Variants in PCDH9 observed in about 807,000 individuals in gnomAD.
PCDH9 encodes protocadherin-9.
PCDH9 carries 24 observed loss-of-function variants against 70.6 expected under a neutral mutation model. That is an observed-to-expected ratio of 0.34 (90% CI 0.25 to 0.48). The LOEUF is 0.48. Among genes scored for constraint, PCDH9 ranks in the 20% least tolerant of loss-of-function variants. PCDH9 has a pLI of 0.99. For synonymous variants in PCDH9, 562 were observed against 558.5 expected, an observed-to-expected ratio of 1.01 and a Z score of -0.09; for missense variants, 1,281 against 1,503.6, an observed-to-expected ratio of 0.85 and a Z score of 2.45.
chr13:67,028,023 G>A (rs1375849640), intron 2 of PCDH9, among the ~76,000 whole-genome samples: 1 of 150,642 alleles, frequency 6.6e-6, no homozygotes, highest in African/African-American at 2.4e-5. Context: ...ATTCCTCAGG[G>A]ATCTAGAACT....
At chr13:67,117,012 T>C (rs185955335) in intron 2 of PCDH9, among the ~76,000 whole-genome samples, 33 of 152,210 alleles carry the variant, frequency 2.2e-4, no homozygotes, top group Non-Finnish European at 3.5e-4. Flanking sequence ...AAGAAACTTA[T>C]GGAGTGGAGA....
intron 4 of PCDH9, among the ~76,000 whole-genome samples, chr13:66,359,078 T>A (rs1257425644): frequency 6.6e-6 from 1 of 151,992 alleles, no homozygotes; most frequent in African/African-American, 2.4e-5. Flanking sequence ...GGGACTATCA[T>A]AAGAGTAAGG....
At chr13:67,219,979 C>A (rs913920639) in intron 2 of PCDH9, 3 of 151,762 alleles carry the variant, frequency 2.0e-5, no homozygotes, top group African/African-American at 7.3e-5. Flanking sequence ...TATATACAAG[C>A]TAAGAGTTCA....
intron 3 of PCDH9, among the ~76,000 whole-genome samples, chr13:66,732,523 C>A (rs1408952392): frequency 6.6e-6 from 1 of 151,788 alleles, no homozygotes; most frequent in Non-Finnish European, 1.5e-5. Context: ...ATATTACCAC[C>A]CCAAAGAGAA....
intron 2 of PCDH9, among the ~76,000 whole-genome samples, chr13:67,072,980 C>T (rs2085798803): frequency 6.6e-6 from 1 of 152,078 alleles, no homozygotes; most frequent in South Asian, 2.1e-4. Context: ...TGACCACATG[C>T]AGGAATGAAT....
At chr13:66,730,876 G>GTTTTTT (rs758928616) in intron 3 of PCDH9, among the ~76,000 whole-genome samples, 1,059 of 46,292 alleles carry the variant, frequency 0.023, 51 homozygotes, top group Admixed American at 0.028. Context: ...GTGTGTGTGT[G>GTTTTTT]TTTTTTTTTT....
In PCDH9 at chr13:67,091,531, T is replaced by G. The variant is rs190990061; in HGVS notation, c.3036+133874A>C. On this transcript the variant is annotated intron_variant, in intron 2 of 4. Transcript: ENST00000377865. ...AGATTTTAGCTTATATGCCCAACAA[T>G]CTGAGATGGCAGCCACAGCCTTTGA... Among the ~76,000 whole-genome samples, 3 of 152,270 alleles carry G rather than the reference T, an allele frequency of 2.0e-5. No homozygotes were observed. In the East Asian group the frequency reaches 5.8e-4, roughly 29 times the overall value.
At chr13:66,858,745 A>G (rs2081435563) in intron 3 of PCDH9, among the ~76,000 whole-genome samples, 1 of 152,214 alleles carries the variant, frequency 6.6e-6, no homozygotes, top group Non-Finnish European at 1.5e-5. Flanking sequence ...CGAATTTAAT[A>G]ATAAATTAAT....
At chr13:66,627,955 T>A (rs748755742) in intron 4 of PCDH9, among the ~76,000 whole-genome samples, 8 of 152,212 alleles carry the variant, frequency 5.3e-5, no homozygotes, top group Middle Eastern at 3.2e-3. Context: ...TTGGACAATA[T>A]TTTGGCCTGG....
intron 4 of PCDH9, among the ~76,000 whole-genome samples, chr13:66,406,746 T>C (rs1593926432): frequency 1.3e-5 from 2 of 152,290 alleles, no homozygotes; most frequent in East Asian, 1.9e-4. Flanking sequence ...AGCACCTAGA[T>C]GGTGCGAAAA....
At chr13:66,834,592 T>C (rs962895293) in intron 3 of PCDH9, among the ~76,000 whole-genome samples, 3 of 152,218 alleles carry the variant, frequency 2.0e-5, no homozygotes, top group Non-Finnish European at 2.9e-5. Flanking sequence ...TTGAAGGAAG[T>C]ACAAGGTAGT....
chr13:66,406,030 A>G (rs1161035330), intron 4 of PCDH9, among the ~76,000 whole-genome samples: 1 of 152,172 alleles, frequency 6.6e-6, no homozygotes. Context: ...TTTTGTTGCC[A>G]GAGTGCTGTA....
At chr13:67,200,982 C>T (rs1566492050) in intron 2 of PCDH9, 1 of 152,024 alleles carries the variant, frequency 6.6e-6, no homozygotes, top group Admixed American at 6.6e-5. Flanking sequence ...AAAAAGTTTT[C>T]ACGAACAAAT....
chr13:66,843,373 CAT>C (rs997858631), intron 3 of PCDH9, among the ~76,000 whole-genome samples: 6 of 134,422 alleles, frequency 4.5e-5, no homozygotes, highest in Non-Finnish European at 8.2e-5. Context: ...CACACACACA[CAT>C]ATACATGCAA....
At chr13:66,970,069 C>A (rs2083493219) in intron 2 of PCDH9, among the ~76,000 whole-genome samples, 1 of 151,962 alleles carries the variant, frequency 6.6e-6, no homozygotes, top group South Asian at 2.1e-4. Context: ...AATGGAAAAA[C>A]AAACCTGCCT....
At chr13:66,549,247 G>A (rs1246229865) in intron 4 of PCDH9, among the ~76,000 whole-genome samples, 1 of 152,048 alleles carries the variant, frequency 6.6e-6, no homozygotes, top group African/African-American at 2.4e-5. Flanking sequence ...AGCATTTTCG[G>A]TTAGCTTTTT....
At chr13:67,122,181 G>A (rs2086889830) in intron 2 of PCDH9, among the ~76,000 whole-genome samples, 1 of 152,152 alleles carries the variant, frequency 6.6e-6, no homozygotes, top group Non-Finnish European at 1.5e-5. Flanking sequence ...AGAGACGCCT[G>A]AGAAAGGAAA....
At chr13:66,384,199 A>G (rs1956890709) in intron 4 of PCDH9, among the ~76,000 whole-genome samples, 1 of 152,082 alleles carries the variant, frequency 6.6e-6, no homozygotes. Flanking sequence ...ATTTTATTAC[A>G]TATTGTTAAA....
At chr13:66,471,691 A>G (rs1958622363) in intron 4 of PCDH9, among the ~76,000 whole-genome samples, 1 of 152,312 alleles carries the variant, frequency 6.6e-6, no homozygotes, top group African/African-American at 2.4e-5. Flanking sequence ...CTGAGGCAAC[A>G]GAGGCTAAGT....
Sources: allele counts gnomAD v4.1 joint callset (sites outside exome capture counted in the v4.1 genomes callset), GRCh38; gene constraint gnomAD v4.1.1; transcripts MANE v1.5; gene names NCBI Gene and HGNC (gene_info 2026-07-23, HGNC 2026-07-21).